ASPRV1: variants seen among roughly 807,000 people sequenced by gnomAD.
ASPRV1 encodes the protein aspartic peptidase retroviral like 1.
Under a neutral mutation model 11.0 loss-of-function variants are expected in ASPRV1, and 7 were observed. The ratio of observed to expected loss-of-function variants is 0.64; its 90% CI spans 0.36 to 1.20. ASPRV1 has a LOEUF of 1.20. ASPRV1 is among the 50% of genes most tolerant of loss of function. The pLI, the probability that ASPRV1 is intolerant of heterozygous loss-of-function variation, is 0.02. For synonymous variants in ASPRV1, 136 were observed against 138.4 expected (o/e 0.98, Z 0.12); for missense variants, 299 against 320.0 (o/e 0.93, Z 0.50).
the ASPRV1 span, among the ~76,000 whole-genome samples, chr2:70,010,461 A>G: frequency 1.3e-5 from 2 of 152,110 alleles, no homozygotes; most frequent in African/African-American, 4.8e-5. Flanking sequence ...TGAGAGAGTG[A>G]GCAAGCAGCG....
At chr2:70,039,959 T>TGAG in the ASPRV1 span, among the ~76,000 whole-genome samples, 4 of 151,974 alleles carry the variant, frequency 2.6e-5, no homozygotes, top group Non-Finnish European at 4.4e-5. Flanking sequence ...ATCAAGGAAA[T>TGAG]GAGGAGGAGG....
the ASPRV1 span, chr2:70,087,191 C>T: frequency 6.6e-6 from 1 of 152,192 alleles, no homozygotes; most frequent in Non-Finnish European, 1.5e-5. Context: ...ATGTCTATCC[C>T]GCATACACAG....
chr2:69,961,440 G>A lies in ASPRV1; in HGVS notation c.-4C>T. On this transcript the variant is annotated 5_prime_UTR_variant, in exon 1 of 1. Coordinates refer to ENST00000320256, the MANE Select transcript of ASPRV1 (RefSeq NM_152792.4). ...TCCTGGCTCCGCTCCCGGCCATCCT[G>A]CTGCTCTCCTCTGGAACCTCAGCAG... 1 of 1,614,104 alleles carries A rather than the reference G, an allele frequency of 6.2e-7. No homozygotes were observed. Among genetic ancestry groups the A allele is most frequent in the Non-Finnish European group, 8.5e-7 (1 of 1,180,038 alleles).
chr2:69,977,790 T>C, the ASPRV1 span, among the ~76,000 whole-genome samples: 2 of 152,182 alleles, frequency 1.3e-5, no homozygotes, highest in African/African-American at 4.8e-5. Context: ...TTGGGTGGAA[T>C]GCATCTTTGG....
In ASPRV1 at chr2:69,960,565, C is replaced by A; in HGVS notation, c.*92G>T. 2 of 1,366,140 alleles carry A rather than the reference C, an allele frequency of 1.5e-6. No individual in the cohort carries two copies. Among genetic ancestry groups the A allele is most frequent in the African/African-American group, 1.5e-5 (1 of 68,860 alleles). 84.6% of individuals were successfully genotyped at this position (1,366,140 alleles called of 1,614,324 possible). ...AGCAAGAGTTGATAAGCAGACTGGCCAAGCCCAGTGACCCCCATGAGGATA... is the reference window on the plus strand; with the variant it reads ...AGCAAGAGTTGATAAGCAGACTGGCAAAGCCCAGTGACCCCCATGAGGATA... On this transcript the variant is annotated 3_prime_UTR_variant, in exon 1 of 1. Transcript: ENST00000320256.
the ASPRV1 span, among the ~76,000 whole-genome samples, chr2:70,006,074 C>T: frequency 2.0e-5 from 3 of 152,244 alleles, no homozygotes; most frequent in Non-Finnish European, 4.4e-5. Context: ...TCTTTCTACC[C>T]ACTAGATGCC....
the ASPRV1 span, among the ~76,000 whole-genome samples, chr2:70,005,157 T>C: frequency 6.6e-6 from 1 of 152,180 alleles, no homozygotes; most frequent in Non-Finnish European, 1.5e-5. Flanking sequence ...CCTCCAGGGC[T>C]CAAGCAATCC....
the ASPRV1 span, among the ~76,000 whole-genome samples, chr2:69,980,924 C>T: frequency 6.6e-5 from 10 of 151,906 alleles, no homozygotes; most frequent in African/African-American, 1.7e-4. Flanking sequence ...TACAGGCGCC[C>T]GCCACCAGGC....
At chr2:70,002,803 G>T in the ASPRV1 span, among the ~76,000 whole-genome samples, 1 of 152,122 alleles carries the variant, frequency 6.6e-6, no homozygotes, top group South Asian at 2.1e-4. Context: ...AAACTGGGGG[G>T]CTGATCAGAA....
At chr2:70,008,670 T>G in the ASPRV1 span, among the ~76,000 whole-genome samples, 1 of 151,872 alleles carries the variant, frequency 6.6e-6, no homozygotes, top group African/African-American at 2.4e-5. Flanking sequence ...AACTATTGTG[T>G]TAGTGTATTT....
At chr2:69,937,291 G>A in the ASPRV1 span, 636 of 1,614,144 alleles carry the variant, frequency 3.9e-4, no homozygotes, top group Non-Finnish European at 4.7e-4. Flanking sequence ...TTCAGCGAGA[G>A]CAGCGACACC....
chr2:70,057,498 A>T, the ASPRV1 span, among the ~76,000 whole-genome samples: 6 of 149,872 alleles, frequency 4.0e-5, no homozygotes, highest in Non-Finnish European at 7.4e-5. Flanking sequence ...TTTTTTTTTG[A>T]AACAGGATCT....
the ASPRV1 span, among the ~76,000 whole-genome samples, chr2:70,072,608 G>A: frequency 6.6e-6 from 1 of 152,010 alleles, no homozygotes; most frequent in Middle Eastern, 3.2e-3. Flanking sequence ...TGTACTCCCA[G>A]CTACTGGGGA....
the ASPRV1 span, among the ~76,000 whole-genome samples, chr2:69,973,268 C>T: frequency 1.3e-5 from 2 of 152,142 alleles, no homozygotes; most frequent in Non-Finnish European, 2.9e-5. Context: ...AACCAGCCTA[C>T]AGTTGTAACT....
At chr2:70,065,931 G>C in the ASPRV1 span, among the ~76,000 whole-genome samples, 3 of 152,020 alleles carry the variant, frequency 2.0e-5, no homozygotes, top group Admixed American at 6.6e-5. Context: ...ATGGAGGCTG[G>C]GTGCAGTGGC....
At chr2:69,937,126 G>T in the ASPRV1 span, 1 of 1,399,292 alleles carries the variant, frequency 7.1e-7, no homozygotes. Flanking sequence ...GCACCGAAAG[G>T]CGTCTGAGGA....
At chr2:69,952,272 G>A in the ASPRV1 span, among the ~76,000 whole-genome samples, 1 of 152,174 alleles carries the variant, frequency 6.6e-6, no homozygotes, top group African/African-American at 2.4e-5. Context: ...GCTCACTCCT[G>A]TAATCCCAAC....
At chr2:69,968,206 TA>T in the ASPRV1 span, among the ~76,000 whole-genome samples, 1 of 152,048 alleles carries the variant, frequency 6.6e-6, no homozygotes, top group African/African-American at 2.4e-5. Flanking sequence ...TAAAGTCTAT[TA>T]AAATTTTAAG....
At chr2:69,935,493 A>G in the ASPRV1 span, 2 of 1,461,400 alleles carry the variant, frequency 1.4e-6, no homozygotes. Context: ...ATGCTGCTTT[A>G]TCTTTACCTG....
Sources: gnomAD v4.1 joint callset for allele counts (sites outside exome capture counted in the v4.1 genomes callset) on GRCh38, gnomAD v4.1.1 for gene constraint, MANE v1.5 for transcripts, NCBI Gene and HGNC (gene_info 2026-07-23, HGNC 2026-07-21) for gene names.